OSBPL3: variants seen among roughly 807,000 people sequenced by gnomAD.
OSBPL3 encodes oxysterol-binding protein-related protein 3.
A neutral mutation model predicts 120.1 loss-of-function variants in OSBPL3; 65 were observed. The observed-to-expected ratio is 0.54, with a 90% CI of 0.44 to 0.67. The LOEUF is 0.67. Among genes scored for constraint, OSBPL3 ranks in the 30% least tolerant of loss-of-function variants. OSBPL3 has a pLI of 0.00. For synonymous variants in OSBPL3, 416 were observed against 402.6 expected (o/e 1.03, Z -0.40); for missense variants, 1,004 against 1,082.1 (o/e 0.93, Z 1.01).
chr7:24,888,293 A>G (rs1446668073), intron 2 of OSBPL3, among the ~76,000 whole-genome samples: 1 of 152,228 alleles, frequency 6.6e-6, no homozygotes, highest in Non-Finnish European at 1.5e-5. Context: ...TGACCCTGGA[A>G]TAAGTGCTTA....
chr7:24,925,527 G>A (rs1354933079), intron 1 of OSBPL3, among the ~76,000 whole-genome samples: 2 of 152,208 alleles, frequency 1.3e-5, no homozygotes, highest in African/African-American at 2.4e-5. Context: ...TTTGAGGCAA[G>A]ACGCACTAAA....
In OSBPL3 at chr7:24,940,850, C is replaced by T. The variant is rs1397389352; in HGVS notation, c.-150+39036G>A. 2.7e-5 allele frequency among the ~76,000 whole-genome samples: 4 copies of T among 150,326 alleles called. No individual in the cohort carries two copies. Among genetic ancestry groups the T allele is most frequent in the Admixed American group, 6.6e-5 (1 of 15,082 alleles). ...TTTTTGTGTGTGTGTGACGGAGTCT[C>T]GCTCTGTCGCCCAGGCTGGAGTGCA... is the stretch of plus-strand genomic sequence containing the variant. On this transcript the variant is annotated intron_variant, in intron 1 of 22. Coordinates refer to ENST00000313367, the MANE Select transcript of OSBPL3 (RefSeq NM_015550.4). The surrounding 1 kb of genome is among the most constrained non-coding windows in gnomAD (Gnocchi z 4.4).
Position 24,896,433 on chromosome 7 carries a change from C to T in OSBPL3, c.-149-3812G>A, listed in dbSNP as rs1267620705. On this transcript the variant is annotated intron_variant, in intron 1 of 22. Coordinates refer to ENST00000313367, the MANE Select transcript of OSBPL3 (RefSeq NM_015550.4). The surrounding 1 kb of genome is among the most constrained non-coding windows in gnomAD (Gnocchi z 4.4). Reference sequence around the variant, plus strand: ...GGTTAAAAGTCAAATGGACACATGACATGCAAACATAAGCTGTCCTGGGGC... The same window carrying T: ...GGTTAAAAGTCAAATGGACACATGATATGCAAACATAAGCTGTCCTGGGGC... Among the ~76,000 whole-genome samples, 5 of 152,238 alleles carry T rather than the reference C, an allele frequency of 3.3e-5. No individual in the cohort carries two copies. Among genetic ancestry groups the T allele is most frequent in the Non-Finnish European group, 1.5e-5 (1 of 68,046 alleles).
chr7:24,816,120 G>A (rs1430497697), intron 18 of OSBPL3, among the ~76,000 whole-genome samples: 1 of 152,142 alleles, frequency 6.6e-6, no homozygotes, highest in Non-Finnish European at 1.5e-5. Context: ...ACCTCCCCAG[G>A]CTCAAATGAT....
chr7:24,856,140 A>C (rs1799811295), intron 10 of OSBPL3, among the ~76,000 whole-genome samples: 1 of 152,154 alleles, frequency 6.6e-6, no homozygotes, highest in South Asian at 2.1e-4. Context: ...GCGATGATTC[A>C]TCTCTTTCCC....
chr7:24,887,477 G>A (rs138233231), intron 2 of OSBPL3, among the ~76,000 whole-genome samples: 1 of 152,326 alleles, frequency 6.6e-6, no homozygotes, highest in Admixed American at 6.5e-5. Context: ...TAAATTTACA[G>A]AGGACTTTTC....
chr7:24,844,253 C>T (rs1798126112), intron 12 of OSBPL3, among the ~76,000 whole-genome samples: 1 of 152,190 alleles, frequency 6.6e-6, no homozygotes, highest in African/African-American at 2.4e-5. Flanking sequence ...GTTTGCATTA[C>T]AAAAAGTTAA....
At position 24,831,026 on chromosome 7, in the gene OSBPL3, G is replaced by T; in HGVS notation, c.1747-121C>A. The T allele has an allele frequency of 9.6e-7, 1 of 1,037,196 alleles. No homozygotes were observed. The highest frequency in any genetic ancestry group is 1.3e-6 in the Non-Finnish European group (1 of 753,534). The allele number at this position is 1,037,196 out of a possible 1,614,324, so 64.2% of individuals were successfully genotyped here. A position where few individuals can be genotyped will look rare whatever the true frequency, so the allele number is the denominator to read the frequency against. On this transcript the variant is annotated intron_variant, in intron 15 of 22. Transcript: ENST00000313367. The surrounding 1 kb of genome is among the most constrained non-coding windows in gnomAD (Gnocchi z 4.0). ...TTCAGAAAGCCAAAGATTTGTCTTT[G>T]GTTGTTTTTAAACAACATAGGTTTA...
rs1562766684 is a variant in OSBPL3 at position 24,815,697 on chromosome 7, C to A, written c.2028-494G>T. The stretch of plus-strand genomic sequence containing the variant: ...TATTAATAATAAGACCAGATACTTA[C>A]AAAACATATGCAATGTGCTAAGTAC... On this transcript the variant is annotated intron_variant, in intron 18 of 22. Transcript: ENST00000313367. This position sits in a 1 kb window ranked among gnomAD's most constrained non-coding sequence, Gnocchi z 5.1. Among the ~76,000 whole-genome samples the A allele has an allele frequency of 1.3e-5, 2 of 152,204 alleles. No homozygotes were observed. Among genetic ancestry groups the A allele is most frequent in the African/African-American group, 4.8e-5 (2 of 41,458 alleles).
At position 24,817,110 on chromosome 7, in the gene OSBPL3, T is replaced by G. The variant is rs550339144; in HGVS notation, c.1949-422A>C. Among the ~76,000 whole-genome samples the G allele has an allele frequency of 2.6e-5, 4 of 152,258 alleles. No homozygotes were observed. In the East Asian group the frequency reaches 7.7e-4, roughly 29 times the overall value. On this transcript the variant is annotated intron_variant, in intron 17 of 22. Transcript: ENST00000313367. The surrounding 1 kb of genome is among the most constrained non-coding windows in gnomAD (Gnocchi z 4.0). Reference sequence around the variant, plus strand: ...GTTCACTGGGCAGAGAAAAAGCAATTTAAGGCCAAATAAATAGCTTGTCTG... The same window carrying G: ...GTTCACTGGGCAGAGAAAAAGCAATGTAAGGCCAAATAAATAGCTTGTCTG...
At chr7:24,814,544 A>G (rs1385371513) in intron 19 of OSBPL3, among the ~76,000 whole-genome samples, 1 of 152,148 alleles carries the variant, frequency 6.6e-6, no homozygotes, top group Non-Finnish European at 1.5e-5. Flanking sequence ...GTGGCATTAA[A>G]TACATTCACA....
At chr7:24,885,241 A>AG (rs1273171451) in intron 2 of OSBPL3, among the ~76,000 whole-genome samples, 13 of 151,608 alleles carry the variant, frequency 8.6e-5, no homozygotes, top group African/African-American at 3.1e-4. Flanking sequence ...AAAAAAAAAA[A>AG]AGAAAGAAAT....
intron 1 of OSBPL3, among the ~76,000 whole-genome samples, chr7:24,901,554 T>C (rs751775542): frequency 9.9e-5 from 15 of 152,210 alleles, no homozygotes; most frequent in Admixed American, 3.3e-4. Context: ...CTTTGAACTA[T>C]GTACTGTCCA....
chr7:24,834,759 T>G lies in OSBPL3; in HGVS notation c.1496-23A>C. 1 of 1,565,710 alleles carries G rather than the reference T, an allele frequency of 6.4e-7. No individual in the cohort carries two copies. Among genetic ancestry groups the G allele is most frequent in the Non-Finnish European group, 8.6e-7 (1 of 1,161,996 alleles). On this transcript the variant is annotated intron_variant, in intron 14 of 22. Transcript: ENST00000313367. The surrounding 1 kb of genome is among the most constrained non-coding windows in gnomAD (Gnocchi z 5.2). The stretch of plus-strand genomic sequence containing the variant: ...GCCCTGAAAGGGAAAGAGGCCTGGT[T>G]GTCTCTATAAAGCTTTTCATTTTAT...
chr7:24,860,469 G>A (rs1004731564), intron 10 of OSBPL3, among the ~76,000 whole-genome samples: 3 of 152,102 alleles, frequency 2.0e-5, no homozygotes, highest in Non-Finnish European at 4.4e-5. Context: ...GAGATCTGAT[G>A]GTTTTATAAG....
intron 1 of OSBPL3, among the ~76,000 whole-genome samples, chr7:24,909,423 T>C (rs1489915596): frequency 6.6e-6 from 1 of 151,922 alleles, no homozygotes; most frequent in Non-Finnish European, 1.5e-5. Context: ...AGCTGGGAGG[T>C]GGTGATAGCT....
intron 1 of OSBPL3, among the ~76,000 whole-genome samples, chr7:24,941,548 TC>T (rs1813112240): frequency 6.6e-6 from 1 of 152,110 alleles, no homozygotes; most frequent in Non-Finnish European, 1.5e-5. Flanking sequence ...CTTTGAATAC[TC>T]CTCTCTATGC....
intron 12 of OSBPL3, 70 bp downstream of exon 12, chr7:24,848,999 A>G (rs1798783613): frequency 1.9e-6 from 2 of 1,078,090 alleles, no homozygotes; most frequent in African/African-American, 1.5e-5. Flanking sequence ...GAGGTCGTGC[A>G]ATGGGACAGA....
At chr7:24,865,150 C>T (rs1201133301) in intron 7 of OSBPL3, among the ~76,000 whole-genome samples, 192 bp downstream of exon 7, 1 of 152,210 alleles carries the variant, frequency 6.6e-6, no homozygotes, top group Non-Finnish European at 1.5e-5. Context: ...TCTGCATGTA[C>T]AGCCAGGTGA....
Sources: gnomAD v4.1 joint callset for allele counts (sites outside exome capture counted in the v4.1 genomes callset) on GRCh38, gnomAD v4.1.1 for gene constraint, Gnocchi (gnomAD v3.1) non-coding constraint, MANE v1.5 for transcripts, NCBI Gene and HGNC (gene_info 2026-07-23, HGNC 2026-07-21) for gene names.